Variants in TULP3 observed in about 807,000 individuals in gnomAD.
The protein encoded by TULP3 is tubby-related protein 3.
Under a neutral mutation model 50.7 loss-of-function variants are expected in TULP3, and 38 were observed. That is an observed-to-expected ratio of 0.75 (90% confidence interval 0.58 to 0.98). The LOEUF is 0.98. Among genes scored for constraint, TULP3 ranks in the 50% least tolerant of loss-of-function variants. The pLI is 0.00. For synonymous variants in TULP3, 183 were observed against 196.6 expected (o/e 0.93, Z 0.58); for missense variants, 550 against 568.0 (o/e 0.97, Z 0.32).
At chr12:2,894,284 T>C (rs1364160182) in intron 1 of TULP3, among the ~76,000 whole-genome samples, 1 of 6,350 alleles carries the variant, frequency 1.6e-4, no homozygotes, top group Non-Finnish European at 3.0e-4. Flanking sequence ...GAGGCCGAGA[T>C]GGCGGGGGGG....
chr12:2,933,703 C>T (rs550600917), intron 7 of TULP3, among the ~76,000 whole-genome samples, 173 bp downstream of exon 7: 1 of 151,828 alleles, frequency 6.6e-6, no homozygotes, highest in Non-Finnish European at 1.5e-5. Context: ...GTAATCCCAG[C>T]ACTTTGAGAG....
chr12:2,913,553 C>T (rs1021499606), intron 2 of TULP3, among the ~76,000 whole-genome samples: 1 of 151,734 alleles, frequency 6.6e-6, no homozygotes, highest in African/African-American at 2.4e-5. Flanking sequence ...CATGAGCCAT[C>T]ATGCCTGGTC....
At position 2,939,091 on chromosome 12, in the gene TULP3, T is replaced by C. The variant is rs1417555231; in HGVS notation, c.1196-220T>C. On this transcript the variant is annotated intron_variant, in intron 10 of 10. Coordinates refer to ENST00000448120, the MANE Select transcript of TULP3 (RefSeq NM_003324.5). The surrounding 1 kb of genome is among the most constrained non-coding windows in gnomAD (Gnocchi z 4.0). ...AAAGTAAAATATTAGCCAGGCGTGG[T>C]GGCGCTTGCCTGTAGTCCCAGCTAC... is the stretch of plus-strand genomic sequence containing the variant. 6.6e-6 allele frequency among the ~76,000 whole-genome samples: 1 copy of C among 152,054 alleles called. No individual in the cohort carries two copies. The highest frequency in any genetic ancestry group is 1.5e-5 in the Non-Finnish European group (1 of 68,012).
At chr12:2,933,379 C>T in intron 6 of TULP3, 39 bp from the exon 7 acceptor site, 1 of 1,404,880 alleles carries the variant, frequency 7.1e-7, no homozygotes, top group East Asian at 2.3e-5. Flanking sequence ...GGCAGGTTCT[C>T]TGGACTTCAT....
intron 4 of TULP3, among the ~76,000 whole-genome samples, chr12:2,926,371 A>AC (rs1309675304): frequency 6.6e-6 from 1 of 152,148 alleles, no homozygotes; most frequent in Non-Finnish European, 1.5e-5. Context: ...AGTCCTATGT[A>AC]CTCAGGAGGC....
chr12:2,894,883 A>G (rs1331843790), intron 1 of TULP3, among the ~76,000 whole-genome samples: 2 of 152,204 alleles, frequency 1.3e-5, no homozygotes, highest in African/African-American at 4.8e-5. Flanking sequence ...GACAAGAGCA[A>G]AACTCCATTT....
At chr12:2,899,892 C>CAAAAAAAAAACAAACA (rs1237411589) in intron 1 of TULP3, among the ~76,000 whole-genome samples, 1 of 53,598 alleles carries the variant, frequency 1.9e-5, no homozygotes, top group Admixed American at 2.2e-4. Flanking sequence ...GACTCCGTCT[C>CAAAAAAAAAACAAACA]AAAAAAAAAA....
At chr12:2,915,281 C>T (rs1253204135) in intron 2 of TULP3, among the ~76,000 whole-genome samples, 1 of 151,890 alleles carries the variant, frequency 6.6e-6, no homozygotes, top group Non-Finnish European at 1.5e-5. Flanking sequence ...TGAGCCACTG[C>T]GCCCAGCCCA....
chr12:2,928,302 G>A (rs1380264758), intron 4 of TULP3, among the ~76,000 whole-genome samples: 1 of 152,128 alleles, frequency 6.6e-6, no homozygotes, highest in African/African-American at 2.4e-5. Flanking sequence ...AGGCTTAGGC[G>A]GACAGATCAC....
intron 2 of TULP3, among the ~76,000 whole-genome samples, chr12:2,910,066 G>T (rs2098184586): frequency 6.6e-6 from 1 of 152,186 alleles, no homozygotes; most frequent in African/African-American, 2.4e-5. Context: ...GCCGAGGCAG[G>T]CAGATCACGA....
intron 1 of TULP3, among the ~76,000 whole-genome samples, chr12:2,891,370 T>G (rs1326203352): frequency 6.6e-6 from 1 of 151,864 alleles, no homozygotes; most frequent in Non-Finnish European, 1.5e-5. Context: ...ACCCAGCCCC[T>G]CCCGGGAGGC....
chr12:2,906,978 G>T (rs942147663), intron 1 of TULP3, among the ~76,000 whole-genome samples: 16 of 151,934 alleles, frequency 1.1e-4, no homozygotes, highest in East Asian at 3.9e-4. Context: ...CCATAACAGT[G>T]GACTTTTTTC....
chr12:2,937,029 G>A (rs549509739), intron 8 of TULP3, among the ~76,000 whole-genome samples: 18 of 150,898 alleles, frequency 1.2e-4, no homozygotes, highest in African/African-American at 3.9e-4. Context: ...AACCCAGGAG[G>A]TGGAGATTGG....
intron 2 of TULP3, among the ~76,000 whole-genome samples, chr12:2,917,350 T>C (rs2098189187): frequency 6.6e-6 from 1 of 151,902 alleles, no homozygotes; most frequent in African/African-American, 2.4e-5. Context: ...GGTGCACCTG[T>C]AATCCCCGCT....
chr12:2,919,644 A>G (rs2098190594), intron 2 of TULP3, among the ~76,000 whole-genome samples: 1 of 152,046 alleles, frequency 6.6e-6, no homozygotes, highest in Non-Finnish European at 1.5e-5. Flanking sequence ...GGGGCTTAAC[A>G]TTTTTCCTAC....
chr12:2,924,623 G>T (rs2098193646), intron 4 of TULP3, among the ~76,000 whole-genome samples: 1 of 151,830 alleles, frequency 6.6e-6, no homozygotes, highest in African/African-American at 2.4e-5. Context: ...TGAGGATGCA[G>T]TGAGCTATGA....
chr12:2,940,075 C>G lies in TULP3; in HGVS notation c.*631C>G. On this transcript the variant is annotated 3_prime_UTR_variant, in exon 11 of 11. Transcript: ENST00000448120. ...GAGTGGCTGTGATCACATTTGTGAT[C>G]AATTATGTGAGAATTTTATATAATT... 1 of 1,289,288 alleles carries G rather than the reference C, an allele frequency of 7.8e-7. No homozygotes were observed. Among genetic ancestry groups the G allele is most frequent in the South Asian group, 1.2e-5 (1 of 81,012 alleles). The allele number at this position is 1,289,288 out of a possible 1,614,324, so 79.9% of individuals were successfully genotyped here. A position where few individuals can be genotyped will look rare whatever the true frequency, so the allele number is the denominator to read the frequency against.
chr12:2,932,366 G>A (rs758777837), intron 6 of TULP3, among the ~76,000 whole-genome samples: 1 of 151,926 alleles, frequency 6.6e-6, no homozygotes, highest in East Asian at 1.9e-4. Flanking sequence ...ATCCCTTGAG[G>A]ACATGAGCTC....
chr12:2,891,050 G>C, intron 1 of TULP3, 62 bp downstream of exon 1: 1 of 1,476,262 alleles, frequency 6.8e-7, no homozygotes, highest in Non-Finnish European at 9.0e-7. Flanking sequence ...CGAGAAGGCG[G>C]AGGTCCTCTC....
Sources: allele counts gnomAD v4.1 joint callset (sites outside exome capture counted in the v4.1 genomes callset), GRCh38; gene constraint gnomAD v4.1.1; non-coding constraint Gnocchi (gnomAD v3.1); transcripts MANE v1.5; gene names NCBI Gene and HGNC (gene_info 2026-07-23, HGNC 2026-07-21).